CTH: variants seen among roughly 807,000 people sequenced by gnomAD.
CTH encodes the protein cystathionase (cystathionine gamma-lyase).
CTH carries 41 observed loss-of-function variants against 50.6 expected under a neutral mutation model. The observed-to-expected ratio is 0.81, with a 90% CI of 0.63 to 1.05. CTH has a LOEUF of 1.05. Among genes scored for constraint, CTH ranks in the 50% least tolerant of loss-of-function variants. The pLI is 0.00. For synonymous variants in CTH, 156 were observed against 168.9 expected (o/e 0.92, Z 0.59); for missense variants, 470 against 492.6 (o/e 0.95, Z 0.43).
At chr1:70,413,556 G>A (rs934511356) in intron 1 of CTH, among the ~76,000 whole-genome samples, 1 of 151,402 alleles carries the variant, frequency 6.6e-6, no homozygotes, top group Non-Finnish European at 1.5e-5. Flanking sequence ...GAGCCACGGC[G>A]CCCGGCTCAC....
chr1:70,439,312 T>C lies in CTH; in HGVS notation c.*185T>C. On this transcript the variant is annotated 3_prime_UTR_variant, in exon 12 of 12. Coordinates refer to ENST00000370938, the MANE Select transcript of CTH (RefSeq NM_001902.6). ...AAAAAGTTTTCTGTATGTCATGTTA[T>C]AATTACAGGTCAATTCTGTTAATAT... 7.9e-6 allele frequency: 5 copies of C among 629,342 alleles called. No individual in the cohort carries two copies. Among genetic ancestry groups the C allele is most frequent in the African/African-American group, 5.5e-5 (3 of 54,772 alleles). The allele number at this position is 629,342 out of a possible 1,614,324, so 39.0% of individuals were successfully genotyped here.
Position 70,438,685 on chromosome 1 carries a change from C to A in CTH, c.1053-3C>A. 1 of 1,614,044 alleles carries A rather than the reference C, an allele frequency of 6.2e-7. No individual in the cohort carries two copies. Among genetic ancestry groups the A allele is most frequent in the Non-Finnish European group, 8.5e-7 (1 of 1,179,974 alleles). On this transcript the variant is annotated splice_polypyrimidine_tract_variant and splice_region_variant and intron_variant, in intron 10 of 11. Transcript: ENST00000370938. ...TCAAAAATTTGCTCATGTCTTCTTTCAGGGCAATCATGACTCATGCATCAG... is the reference window on the plus strand; with the variant it reads ...TCAAAAATTTGCTCATGTCTTCTTTAAGGGCAATCATGACTCATGCATCAG...
Position 70,417,973 on chromosome 1 carries a change from C to T in CTH, c.287C>T (p.Thr96Ile), listed in dbSNP as rs1684129884. Reference protein sequence around the residue: ...AFASGLAATVTITHLLKAGDQ... With the variant: ...AFASGLAATVIITHLLKAGDQ... ...GCTTCAGGTTTAGCAGCCACTGTAACTATTACCCATCTTTTAAAAGCAGGA... is the reference window on the plus strand; with the variant it reads ...GCTTCAGGTTTAGCAGCCACTGTAATTATTACCCATCTTTTAAAAGCAGGA... The change falls in exon 3 of 12, where the codon ACT becomes ATT. Residue 96 changes from threonine (T) to isoleucine (I), a missense_variant. By Grantham distance (89) the Thr-to-Ile change is moderately conservative. Coordinates refer to ENST00000370938, the MANE Select transcript of CTH (RefSeq NM_001902.6). 6.2e-6 allele frequency: 10 copies of T among 1,614,104 alleles called. No homozygotes were observed. The highest frequency in any genetic ancestry group is 8.5e-6 in the Non-Finnish European group (10 of 1,180,008).
chr1:70,418,638 G>T (rs930906502), intron 3 of CTH, among the ~76,000 whole-genome samples: 2 of 152,190 alleles, frequency 1.3e-5, no homozygotes, highest in Non-Finnish European at 2.9e-5. Context: ...CTCTAGAGAA[G>T]ATAAGGTTTA....
chr1:70,430,345 G>A lies in CTH; in HGVS notation c.675G>A (p.Val225=), dbSNP rs764260300. 4 of 1,603,436 alleles carry A rather than the reference G, an allele frequency of 2.5e-6. No homozygotes were observed. Among genetic ancestry groups the A allele is most frequent in the Non-Finnish European group, 3.4e-6 (4 of 1,170,604 alleles). ...ACAGTGATGTTGTAATGGGCCTGGTGTCTGTTAATTGTGAAAGCCTTCATA... is the reference window on the plus strand; with the variant it reads ...ACAGTGATGTTGTAATGGGCCTGGTATCTGTTAATTGTGAAAGCCTTCATA... The part of the protein sequence containing the change: ...NGHSDVVMGL[V]SVNCESLHNR... Residue 225 remains valine, a synonymous_variant, in exon 7 of 12, where the codon GTG becomes GTA. Coordinates refer to ENST00000370938, the MANE Select transcript of CTH (RefSeq NM_001902.6).
intron 10 of CTH, among the ~76,000 whole-genome samples, chr1:70,435,508 T>G (rs1684579298): frequency 6.6e-6 from 1 of 152,048 alleles, no homozygotes; most frequent in Non-Finnish European, 1.5e-5. Flanking sequence ...TAGAGGGGAT[T>G]GGAGACTTTG....
rs1684425684 is a variant in CTH, at chr1:70,429,835, A to C, written c.630A>C (p.Ala210=). The change falls in exon 6 of 12, where the codon GCA becomes GCC. Residue 210 remains alanine, a synonymous_variant. Transcript: ENST00000370938. ...ALGADISMYS[A]TKYMNGHSDV... ...GAGCTGATATTTCTATGTATTCTGC[A>C]ACAAAATACATGAATGGTAAGATGC... 3 of 1,612,010 alleles carry C rather than the reference A, an allele frequency of 1.9e-6. No homozygotes were observed. The highest frequency in any genetic ancestry group is 1.7e-6 in the Non-Finnish European group (2 of 1,178,170).
chr1:70,418,762 T>C (rs1164987490), intron 3 of CTH, among the ~76,000 whole-genome samples: 1 of 152,166 alleles, frequency 6.6e-6, no homozygotes, highest in Non-Finnish European at 1.5e-5. Context: ...TTATTTTTTG[T>C]TTGGCACCAG....
Position 70,419,596 on chromosome 1 carries a change from C to T in CTH, c.346+1564C>T, listed in dbSNP as rs368553252. On this transcript the variant is annotated intron_variant, in intron 3 of 11. Transcript: ENST00000370938. ...CCAGTGATGATAAGCATATACCTAA[C>T]GCTAAATGATGAGTTAATGGGTGTA... Among the ~76,000 whole-genome samples the T allele has an allele frequency of 5.3e-5, 8 of 152,270 alleles. No homozygotes were observed. The South Asian group carries it at 8.3e-4, about 16-fold the overall frequency.
At chr1:70,418,354 G>T (rs761396971) in intron 3 of CTH, among the ~76,000 whole-genome samples, 14 of 152,050 alleles carry the variant, frequency 9.2e-5, no homozygotes, top group Non-Finnish European at 1.5e-4. Context: ...GGTTCAAATG[G>T]TTCTCATGCC....
At chr1:70,435,487 C>G (rs1326655003) in intron 10 of CTH, among the ~76,000 whole-genome samples, 1 of 152,012 alleles carries the variant, frequency 6.6e-6, no homozygotes, top group Non-Finnish European at 1.5e-5. Context: ...ATGTTCTACC[C>G]TACTCAGCCT....
intron 2 of CTH, among the ~76,000 whole-genome samples, chr1:70,417,159 T>C (rs2101730831): frequency 6.6e-6 from 1 of 152,312 alleles, no homozygotes; most frequent in Admixed American, 6.5e-5. Context: ...TTCATTGTGA[T>C]TACACTTATC....
At chr1:70,411,772 A>G (rs1433172413) in intron 1 of CTH, 189 bp downstream of exon 1, 2 of 821,328 alleles carry the variant, frequency 2.4e-6, no homozygotes, top group African/African-American at 1.9e-5. Context: ...ATTTCTTTTG[A>G]TAAGCAGGAC....
chr1:70,431,130 A>G (rs1684464801), intron 7 of CTH: 2 of 152,160 alleles, frequency 1.3e-5, no homozygotes, highest in Non-Finnish European at 2.9e-5. Flanking sequence ...GTGAGCTGAC[A>G]TCGTGCCACT....
chr1:70,418,113 G>C (rs1684133221), intron 3 of CTH, 81 bp downstream of exon 3: 1 of 1,490,608 alleles, frequency 6.7e-7, no homozygotes, highest in African/African-American at 1.4e-5. Flanking sequence ...TATTAACAAT[G>C]TTGCCAGTAT....
chr1:70,411,315 C>T lies in CTH; in HGVS notation c.-101C>T. The T allele has an allele frequency of 8.0e-7, 1 of 1,249,418 alleles. No homozygotes were observed. The highest frequency in any genetic ancestry group is 1.2e-6 in the Non-Finnish European group (1 of 847,960). 77.4% of individuals were successfully genotyped at this position (1,249,418 alleles called of 1,614,324 possible). On this transcript the variant is annotated 5_prime_UTR_variant, in exon 1 of 12. Transcript: ENST00000370938. ...CGGCTCTACCTGCGTGCTTTAGCTC[C>T]TTCTCGCCTGATCCTTCTGTCTCTC...
chr1:70,432,379 GCT>G, intron 8 of CTH, 144 bp downstream of exon 8: 2 of 982,690 alleles, frequency 2.0e-6, no homozygotes, highest in Non-Finnish European at 3.1e-6. Flanking sequence ...CATGTGTCAG[GCT>G]CTGTGGTGGG....
intron 8 of CTH, 139 bp from the exon 9 acceptor site, chr1:70,433,689 A>T: frequency 7.5e-7 from 1 of 1,329,556 alleles, no homozygotes; most frequent in South Asian, 1.3e-5. Flanking sequence ...GGCCCAAGCA[A>T]GTAGTCAGAT....
intron 8 of CTH, 112 bp from the exon 9 acceptor site, chr1:70,433,716 C>T (rs1557472910): frequency 4.6e-6 from 7 of 1,507,050 alleles, no homozygotes; most frequent in East Asian, 2.4e-5. Flanking sequence ...ATGGCATAAT[C>T]CTCGTCTTAG....
Sources: gnomAD v4.1 joint callset for allele counts (sites outside exome capture counted in the v4.1 genomes callset) on GRCh38, gnomAD v4.1.1 for gene constraint, MANE v1.5 for transcripts, NCBI Gene and HGNC (gene_info 2026-07-23, HGNC 2026-07-21) for gene names.